The following SVIL variants were observed in gnomAD, a reference collection of about 807,000 sequenced individuals.
SVIL encodes archvillin.
SVIL carries 101 observed loss-of-function variants against 240.4 expected under a neutral mutation model. The ratio of observed to expected loss-of-function variants is 0.42; its 90% CI spans 0.36 to 0.50. The LOEUF (loss-of-function observed/expected upper bound fraction) is 0.50, where lower values mean the gene tolerates loss of function less well. Ranked by LOEUF, SVIL falls within the 20% of genes least tolerant of loss-of-function variation. The pLI, the probability that SVIL is intolerant of heterozygous loss-of-function variation, is 0.01. For synonymous variants in SVIL, 999 were observed against 1,100.0 expected, an observed-to-expected ratio of 0.91 and a Z score of 1.82; for missense variants, 2,512 against 2,818.7, an observed-to-expected ratio of 0.89 and a Z score of 2.46.
Position 29,522,435 on chromosome 10 carries a change from T to A in SVIL, c.3364A>T (p.Ser1122Cys). 6.2e-7 allele frequency: 1 copy of A among 1,614,198 alleles called. No homozygotes were observed. The highest frequency in any genetic ancestry group is 8.5e-7 in the Non-Finnish European group (1 of 1,180,030). ...PTGEGLLDSP[S>C]KTMSIKERLA... Reference sequence around the variant, plus strand: ...CTTTCTTTAATAGACATGGTTTTGCTGGGTGAGTCAAGAAGGCCCTCCCCT... The same window carrying A: ...CTTTCTTTAATAGACATGGTTTTGCAGGGTGAGTCAAGAAGGCCCTCCCCT... The change falls in exon 16 of 38, where the codon AGC becomes TGC. Residue 1122 changes from serine to cysteine, a missense_variant. Physicochemically the swap from Ser to Cys is moderately radical, Grantham distance 112 (BLOSUM62 -1). This residue lies in a region of SVIL where 1,443 missense variants were observed against 1,486.6 expected (regional missense o/e 0.97). Transcript: ENST00000355867.
Position 29,505,769 on chromosome 10 carries a change from G to T in SVIL, c.3517-6506C>A, listed in dbSNP as rs150008483. On this transcript the variant is annotated intron_variant, in intron 17 of 37. Coordinates refer to ENST00000355867, the MANE Select transcript of SVIL (RefSeq NM_021738.3). ...TTGATAATTGGGGTGGCTGTGTGTGGGAGGGCAGGGATGATGCAGGAACTC... is the reference window on the plus strand; with the variant it reads ...TTGATAATTGGGGTGGCTGTGTGTGTGAGGGCAGGGATGATGCAGGAACTC... Among the ~76,000 whole-genome samples, 540 of 152,282 alleles carry T rather than the reference G, an allele frequency of 3.5e-3. 3 individuals are homozygous for T. Among genetic ancestry groups the T allele is most frequent in the African/African-American group, 0.012 (516 of 41,546 alleles).
intron 1 of SVIL, among the ~76,000 whole-genome samples, chr10:29,601,133 G>A (rs187035573): frequency 6.6e-6 from 1 of 152,118 alleles, no homozygotes; most frequent in African/African-American, 2.4e-5. Context: ...ATAGACATTG[G>A]TCATCCAAGA....
At chr10:29,549,632 A>C (rs1386379150) in intron 6 of SVIL, among the ~76,000 whole-genome samples, 2 of 145,520 alleles carry the variant, frequency 1.4e-5, no homozygotes. Flanking sequence ...CAAATGTCCA[A>C]CAATGATAGA....
intron 14 of SVIL, 124 bp from the exon 15 acceptor site, chr10:29,524,151 G>A: frequency 9.3e-7 from 1 of 1,075,242 alleles, no homozygotes; most frequent in Non-Finnish European, 1.3e-6. Flanking sequence ...TCTCTTAGTG[G>A]AAAACCATTC....
intron 1 of SVIL, among the ~76,000 whole-genome samples, chr10:29,702,102 G>A (rs1170047860): frequency 6.6e-6 from 1 of 150,520 alleles, no homozygotes; most frequent in Non-Finnish European, 1.5e-5. Flanking sequence ...TTGAACCCGG[G>A]AGGTGGAGAT....
chr10:29,506,547 C>T (rs1170914727), intron 17 of SVIL, among the ~76,000 whole-genome samples: 1 of 152,096 alleles, frequency 6.6e-6, no homozygotes, highest in Non-Finnish European at 1.5e-5. Context: ...GCAGGCCCAT[C>T]GCGGCACTGT....
chr10:29,545,217 T>G, intron 6 of SVIL: 1 of 422,994 alleles, frequency 2.4e-6, no homozygotes, highest in South Asian at 1.7e-5. Context: ...CAATCAGAAA[T>G]AAACTCCAAG....
intron 2 of SVIL, among the ~76,000 whole-genome samples, chr10:29,566,079 A>G (rs760465185): frequency 3.9e-5 from 6 of 152,188 alleles, no homozygotes; most frequent in Non-Finnish European, 7.3e-5. Flanking sequence ...GAGAATAACT[A>G]TAAGAGCATA....
Position 29,494,912 on chromosome 10 carries a change from A to T in SVIL, c.3841+2T>A. The T allele has an allele frequency of 6.3e-7, 1 of 1,592,904 alleles. No individual in the cohort carries two copies. Among genetic ancestry groups the T allele is most frequent in the Non-Finnish European group, 8.6e-7 (1 of 1,163,082 alleles). ...CAAAGCCTTCTGGCTTCCAGTAGGT[A>T]CCTTTGTTATTCAGCCTTCTTAGAA... On this transcript the variant is annotated splice_donor_variant, in intron 20 of 37. Transcript: ENST00000355867. LOFTEE classifies it high-confidence loss of function.
At chr10:29,527,649 T>A (rs1951024735) in intron 12 of SVIL, among the ~76,000 whole-genome samples, 1 of 150,860 alleles carries the variant, frequency 6.6e-6, no homozygotes, top group Non-Finnish European at 1.5e-5. Flanking sequence ...ATGGTCTTGA[T>A]CTCTTGACCT....
intron 1 of SVIL, among the ~76,000 whole-genome samples, chr10:29,589,135 G>C (rs1189733718): frequency 6.6e-6 from 1 of 152,118 alleles, no homozygotes; most frequent in Non-Finnish European, 1.5e-5. Context: ...TCATGCCAAA[G>C]GGAAAAAAAA....
chr10:29,560,145 G>A (rs945315962), intron 3 of SVIL, among the ~76,000 whole-genome samples: 1 of 152,166 alleles, frequency 6.6e-6, no homozygotes, highest in Non-Finnish European at 1.5e-5. Flanking sequence ...CTTCCCACAG[G>A]AGTAAAGCCC....
At chr10:29,598,119 T>C (rs1420822274) in intron 1 of SVIL, among the ~76,000 whole-genome samples, 2 of 152,102 alleles carry the variant, frequency 1.3e-5, no homozygotes, top group Non-Finnish European at 2.9e-5. Context: ...TCATGCTAAG[T>C]ATAATAAGCC....
intron 1 of SVIL, among the ~76,000 whole-genome samples, chr10:29,622,113 G>A (rs1957672514): frequency 1.3e-5 from 2 of 151,196 alleles, no homozygotes; most frequent in Non-Finnish European, 2.9e-5. Context: ...AGCCGGGCGT[G>A]GTGGCGGGCG....
intron 3 of SVIL, among the ~76,000 whole-genome samples, 176 bp from the exon 4 acceptor site, chr10:29,555,284 G>T (rs771819337): frequency 1.3e-5 from 2 of 151,248 alleles, no homozygotes; most frequent in African/African-American, 2.4e-5. Flanking sequence ...TAGTAGGGGA[G>T]GCAGATGCCA....
At chr10:29,475,869 T>C (rs189802950) in intron 29 of SVIL, among the ~76,000 whole-genome samples, 127 of 152,352 alleles carry the variant, frequency 8.3e-4, no homozygotes, top group Non-Finnish European at 1.5e-3. Context: ...TGCAACTGTA[T>C]TGAGGTTTGA....
chr10:29,663,868 A>T (rs1016702159), intron 2 of SVIL, among the ~76,000 whole-genome samples: 3 of 152,232 alleles, frequency 2.0e-5, no homozygotes, highest in African/African-American at 7.2e-5. Context: ...GCACATCGGC[A>T]ACTGCAAGAA....
intron 36 of SVIL, among the ~76,000 whole-genome samples, chr10:29,460,810 G>A (rs1944165595): frequency 6.6e-6 from 1 of 152,198 alleles, no homozygotes; most frequent in African/African-American, 2.4e-5. Flanking sequence ...GGAGGCTGAT[G>A]TGGGAGGATT....
chr10:29,715,075 T>C (rs1250853803), intron 1 of SVIL, among the ~76,000 whole-genome samples: 2 of 151,114 alleles, frequency 1.3e-5, no homozygotes, highest in Non-Finnish European at 2.9e-5. Context: ...TACAAAAATA[T>C]GAACCAAAGC....
Sources: allele counts gnomAD v4.1 joint callset (sites outside exome capture counted in the v4.1 genomes callset), GRCh38; gene constraint gnomAD v4.1.1; regional missense constraint gnomAD v4.1.1; transcripts MANE v1.5; gene names NCBI Gene and HGNC (gene_info 2026-07-23, HGNC 2026-07-21).